The following CHRNA2 variants were observed in gnomAD, a reference collection of about 807,000 sequenced individuals.
CHRNA2 encodes the protein cholinergic receptor nicotinic alpha 2 subunit.
In CHRNA2, 40 loss-of-function variants were observed where a neutral mutation model predicts 45.5. That is an observed-to-expected ratio of 0.88 (90% CI 0.68 to 1.15). The LOEUF is 1.15. CHRNA2 is among the 50% of genes most tolerant of loss of function. The pLI is 0.00. For missense variants in CHRNA2, 655 were observed against 701.7 expected, an observed-to-expected ratio of 0.93 and a Z score of 0.75; for synonymous variants, 301 against 296.7, an observed-to-expected ratio of 1.01 and a Z score of -0.15.
At chr8:27,473,245 G>A (rs1264100113) in intron 1 of CHRNA2, among the ~76,000 whole-genome samples, 1 of 152,288 alleles carries the variant, frequency 6.6e-6, no homozygotes, top group South Asian at 2.1e-4. Flanking sequence ...GCTAGTGGGT[G>A]CAGGATTTCC....
intron 1 of CHRNA2, among the ~76,000 whole-genome samples, chr8:27,473,057 G>A (rs1038683740): frequency 7.9e-5 from 12 of 151,902 alleles, no homozygotes; most frequent in Non-Finnish European, 1.8e-4. Context: ...ATTTTATAGA[G>A]TATTTGATTT....
rs75394008 is a variant in CHRNA2 at position 27,461,575 on chromosome 8, G to A, written c.*54C>T. On this transcript the variant is annotated 3_prime_UTR_variant, in exon 7 of 7. Transcript: ENST00000407991. ...CACCAGAGGCAGCTGTAGCAGAGAC[G>A]GTCAAAAGATGGTCAGCGGGGGTGC... 3.0e-4 allele frequency: 491 copies of A among 1,611,750 alleles called. 1 individual carries two copies. The highest frequency in any genetic ancestry group is 1.9e-3 in the African/African-American group (146 of 75,018).
intron 1 of CHRNA2, among the ~76,000 whole-genome samples, chr8:27,472,622 C>T (rs77128003): frequency 0.043 from 6,472 of 152,090 alleles, 211 homozygotes; most frequent in Non-Finnish European, 0.065. Context: ...AGAAACAGAA[C>T]GTAGATTAGT....
rs891398 is a variant in CHRNA2, at chr8:27,467,305, T to C, written c.373A>G (p.Thr125Ala). 0.51 allele frequency: 814,886 copies of C among 1,609,834 alleles called. 212,156 individuals carry two copies. Among genetic ancestry groups the C allele is most frequent in the African/African-American group, 0.77 (57,787 of 74,896 alleles). ...WSDYKLRWNP[T>A]DFGNITSLRV... ...AGAGATGTGATGTTGCCAAAATCAG[T>C]GGGGTTCCAGCGCAGTTTGTAGTCG... The change falls in exon 5 of 7, where the codon ACT becomes GCT. Residue 125 changes from threonine (T) to alanine (A), a missense_variant. Around this residue, in one of 3 missense-constraint regions of CHRNA2, gnomAD observed 323 missense variants for 354.4 expected, o/e 0.91. Coordinates refer to ENST00000407991, the MANE Select transcript of CHRNA2 (RefSeq NM_000742.4).
intron 2 of CHRNA2, 58 bp from the exon 3 acceptor site, chr8:27,470,039 A>G (rs1297394207): frequency 2.7e-6 from 4 of 1,462,820 alleles, no homozygotes; most frequent in Non-Finnish European, 2.8e-6. Context: ...CATCTGTAAA[A>G]TGGAGATGCT....
At chr8:27,472,218 G>A (rs961737735) in intron 1 of CHRNA2, among the ~76,000 whole-genome samples, 1 of 152,180 alleles carries the variant, frequency 6.6e-6, no homozygotes, top group African/African-American at 2.4e-5. Flanking sequence ...CCTGAATTCT[G>A]TGAGCCACTC....
rs777304017 is a variant in CHRNA2, at chr8:27,467,298, A to C, written c.380T>G (p.Phe127Cys). The C allele has an allele frequency of 6.2e-6, 10 of 1,614,044 alleles. No homozygotes were observed. Among genetic ancestry groups the C allele is most frequent in the Non-Finnish European group, 5.9e-6 (7 of 1,179,890 alleles). The stretch of plus-strand genomic sequence containing the variant: ...GACCCTGAGAGATGTGATGTTGCCA[A>C]AATCAGTGGGGTTCCAGCGCAGTTT... ...DYKLRWNPTD[F>C]GNITSLRVPS... is the part of the protein sequence containing the mutation. Residue 127 changes from phenylalanine (F) to cysteine (C), a missense_variant, in exon 5 of 7, where the codon TTT (phenylalanine) becomes TGT (cysteine). Phe to Cys is a radical substitution (Grantham distance 205, BLOSUM62 -2). Coordinates refer to ENST00000407991, the MANE Select transcript of CHRNA2 (RefSeq NM_000742.4).
intron 1 of CHRNA2, among the ~76,000 whole-genome samples, chr8:27,474,204 G>A (rs1040608728): frequency 3.3e-5 from 5 of 152,050 alleles, no homozygotes; most frequent in Non-Finnish European, 7.4e-5. Context: ...TAGGAGAAGA[G>A]GAATGTGGGA....
intron 3 of CHRNA2, 104 bp from the exon 4 acceptor site, chr8:27,469,483 C>A: frequency 8.0e-7 from 1 of 1,247,322 alleles, no homozygotes; most frequent in Non-Finnish European, 1.1e-6. Context: ...TAGGACACCC[C>A]AAGCCCAGCC....
chr8:27,468,820 A>G (rs1812778701), intron 4 of CHRNA2, among the ~76,000 whole-genome samples: 1 of 152,240 alleles, frequency 6.6e-6, no homozygotes, highest in Admixed American at 6.5e-5. Flanking sequence ...ACTCCTGGCC[A>G]TAAAGCCATG....
intron 5 of CHRNA2, among the ~76,000 whole-genome samples, chr8:27,464,510 G>A (rs150778988): frequency 7.0e-4 from 106 of 152,162 alleles, no homozygotes; most frequent in Admixed American, 1.8e-3. Context: ...CGTGTTAGGG[G>A]TTTTTCAAAG....
At chr8:27,477,163 C>A (rs141233987) in intron 1 of CHRNA2, 2 of 152,318 alleles carry the variant, frequency 1.3e-5, no homozygotes, top group East Asian at 3.9e-4. Flanking sequence ...TCAGCCAGTA[C>A]TCACCTGTGT....
chr8:27,476,811 G>A (rs1249267019), intron 1 of CHRNA2, among the ~76,000 whole-genome samples: 7 of 152,090 alleles, frequency 4.6e-5, no homozygotes, highest in Admixed American at 4.6e-4. Flanking sequence ...GGGCTGATTT[G>A]GGGCAGGGAA....
rs754622688 is a variant in CHRNA2, at chr8:27,469,737, C to T, written c.294+24G>A. 4 of 1,613,626 alleles carry T rather than the reference C, an allele frequency of 2.5e-6. No homozygotes were observed. The Admixed American group carries it at 6.7e-5, about 27-fold the overall frequency. On this transcript the variant is annotated intron_variant, in intron 3 of 6. Coordinates refer to ENST00000407991, the MANE Select transcript of CHRNA2 (RefSeq NM_000742.4). ...GTGGTCTGGGATCTCCTTCCTCGGG[C>T]CAGCGGTGGGAAGACAGGCGCACCA...
rs940210331 is a variant in CHRNA2, at chr8:27,461,247, C to T, written c.*382G>A. 6 of 252,704 alleles carry T rather than the reference C, an allele frequency of 2.4e-5. No individual in the cohort carries two copies. The highest frequency in any genetic ancestry group is 5.7e-5 in the South Asian group (1 of 17,602). The allele number at this position is 252,704 out of a possible 1,614,324, so 15.7% of individuals were successfully genotyped here. ...CCAAGAACCCTCCCCTTTGCCCCCA[C>T]GGCCCCTCCTTTGAGGTCTGCATTC... On this transcript the variant is annotated 3_prime_UTR_variant, in exon 7 of 7. Coordinates refer to ENST00000407991, the MANE Select transcript of CHRNA2 (RefSeq NM_000742.4).
chr8:27,475,295 T>G (rs1813027144), intron 1 of CHRNA2: 1 of 152,146 alleles, frequency 6.6e-6, no homozygotes, highest in Admixed American at 6.5e-5. Flanking sequence ...TGGAAGCAAC[T>G]CCGGTATCCA....
chr8:27,467,393 A>G, intron 4 of CHRNA2, 55 bp from the exon 5 acceptor site: 1 of 1,404,612 alleles, frequency 7.1e-7, no homozygotes, highest in South Asian at 1.2e-5. Context: ...AGCCTAGGGC[A>G]AAGCTAGCAC....
Position 27,461,593 on chromosome 8 carries a change from G to A in CHRNA2, c.*36C>T, listed in dbSNP as rs1347808649. The A allele has an allele frequency of 2.0e-5, 33 of 1,613,414 alleles. No individual in the cohort carries two copies. Among genetic ancestry groups the A allele is most frequent in the South Asian group, 4.4e-5 (4 of 91,076 alleles). On this transcript the variant is annotated 3_prime_UTR_variant, in exon 7 of 7. Transcript: ENST00000407991. The stretch of plus-strand genomic sequence containing the variant: ...CAGAGACGGTCAAAAGATGGTCAGC[G>A]GGGGTGCCCTGGGAGCCAGCTCGAG...
rs1471962657 is a variant in CHRNA2, at chr8:27,467,266, CA to C, written c.411del (p.Glu138ArgfsTer2). On this transcript the variant is annotated frameshift_variant, in exon 5 of 7. Transcript: ENST00000407991. LOFTEE classifies it high-confidence loss of function. ...ACAATGTCGGGGATCCAGATCATCT[CA>C]GAAGGGACCCTGAGAGATGTGATGT... Reference protein sequence around the residue: ...FGNITSLRVPSEMIWIPDIVL... With the variant: ...FGNITSLRVPXEMIWIPDIVL... 1.2e-6 allele frequency: 2 copies of C among 1,614,110 alleles called. No individual in the cohort carries two copies. Among genetic ancestry groups the C allele is most frequent in the Non-Finnish European group, 1.7e-6 (2 of 1,179,946 alleles).
Sources: allele counts gnomAD v4.1 joint callset (sites outside exome capture counted in the v4.1 genomes callset), GRCh38; gene constraint gnomAD v4.1.1; regional missense constraint gnomAD v4.1.1; transcripts MANE v1.5; gene names NCBI Gene and HGNC (gene_info 2026-07-23, HGNC 2026-07-21).